MCU: variants seen among roughly 807,000 people sequenced by gnomAD.
MCU encodes the protein calcium uniporter protein, mitochondrial.
MCU carries 12 observed loss-of-function variants against 45.2 expected under a neutral mutation model. The ratio of observed to expected loss-of-function variants is 0.27; its 90% CI spans 0.17 to 0.43. The LOEUF (loss-of-function observed/expected upper bound fraction) is 0.43, where lower values mean the gene tolerates loss of function less well. Ranked by LOEUF, MCU falls within the 20% of genes least tolerant of loss-of-function variation. The pLI is 1.00. For synonymous variants in MCU, 160 were observed against 165.1 expected (o/e 0.97, Z 0.24); for missense variants, 324 against 436.7 (o/e 0.74, Z 2.30).
At chr10:72,878,318 C>A (rs1190867363) in intron 6 of MCU, among the ~76,000 whole-genome samples, 1 of 151,772 alleles carries the variant, frequency 6.6e-6, no homozygotes, top group Non-Finnish European at 1.5e-5. Flanking sequence ...GCTGTGGTTT[C>A]TCCATGTCAC....
chr10:72,711,937 C>A (rs945867008), intron 1 of MCU, among the ~76,000 whole-genome samples: 2 of 151,392 alleles, frequency 1.3e-5, no homozygotes, highest in Non-Finnish European at 2.9e-5. Context: ...TGGTCTCGAT[C>A]TCCTGACCTC....
At chr10:72,766,130 A>G (rs1019431909) in intron 1 of MCU, among the ~76,000 whole-genome samples, 6 of 152,194 alleles carry the variant, frequency 3.9e-5, no homozygotes, top group Non-Finnish European at 8.8e-5. Flanking sequence ...GGCCTTCCAC[A>G]GTGCTGGGAT....
chr10:72,731,543 C>G (rs560528081), intron 1 of MCU, among the ~76,000 whole-genome samples: 7 of 152,152 alleles, frequency 4.6e-5, no homozygotes, highest in African/African-American at 1.7e-4. Flanking sequence ...CTGTAACCAT[C>G]ACCAATATCT....
intron 1 of MCU, among the ~76,000 whole-genome samples, chr10:72,781,906 T>C (rs1172347238): frequency 6.6e-6 from 1 of 152,192 alleles, no homozygotes; most frequent in African/African-American, 2.4e-5. Context: ...ACAAGGACAC[T>C]GTGCTTTGTG....
chr10:72,730,307 CTTTTTTTTTT>C (rs1221272053), intron 1 of MCU, among the ~76,000 whole-genome samples: 1 of 124,230 alleles, frequency 8.0e-6, no homozygotes, highest in African/African-American at 3.1e-5. Context: ...CTTTCTTTTT[CTTTTTTTTTT>C]TTTTTTTTTG....
intron 4 of MCU, chr10:72,861,697 A>G (rs1469965358): frequency 8.3e-6 from 3 of 360,956 alleles, no homozygotes; most frequent in Non-Finnish European, 1.6e-5. Context: ...GGGTTTTGCC[A>G]TGTTGGCCAG....
chr10:72,848,220 AAGT>A (rs1326542183), intron 2 of MCU, among the ~76,000 whole-genome samples: 3 of 152,188 alleles, frequency 2.0e-5, no homozygotes, highest in Non-Finnish European at 2.9e-5. Context: ...ATCTCATCAT[AAGT>A]CAAGAGGCAT....
intron 1 of MCU, chr10:72,692,744 G>A (rs1335035546): frequency 2.3e-6 from 3 of 1,325,360 alleles, no homozygotes; most frequent in Non-Finnish European, 2.9e-6. Flanking sequence ...TGTGTGCCAG[G>A]AGAGTGGCAG....
intron 1 of MCU, among the ~76,000 whole-genome samples, chr10:72,793,135 C>T (rs2132767262): frequency 6.6e-6 from 1 of 152,232 alleles, no homozygotes; most frequent in African/African-American, 2.4e-5. Context: ...CCTTGGCCTC[C>T]CAAAGTGCTG....
intron 2 of MCU, among the ~76,000 whole-genome samples, chr10:72,841,260 C>T (rs1282830553): frequency 6.6e-6 from 1 of 152,092 alleles, no homozygotes; most frequent in East Asian, 1.9e-4. Context: ...ACCGGCATCT[C>T]TGACAGACTG....
At chr10:72,804,059 T>C (rs1564561706) in intron 1 of MCU, among the ~76,000 whole-genome samples, 1 of 73,812 alleles carries the variant, frequency 1.4e-5, no homozygotes, top group African/African-American at 7.1e-5. Flanking sequence ...TATATATATA[T>C]ATATATATAT....
intron 2 of MCU, among the ~76,000 whole-genome samples, chr10:72,838,153 G>A (rs765710548): frequency 3.9e-5 from 6 of 152,096 alleles, no homozygotes; most frequent in East Asian, 3.9e-4. Flanking sequence ...GAGCCACCGC[G>A]CCCGGCTGCC....
intron 1 of MCU, among the ~76,000 whole-genome samples, chr10:72,791,941 AAG>A (rs1212978277): frequency 1.3e-5 from 2 of 152,134 alleles, no homozygotes; most frequent in Non-Finnish European, 2.9e-5. Context: ...AGTAATTTTA[AAG>A]AGGGGGGATT....
chr10:72,868,278 G>T (rs575801412), intron 4 of MCU, among the ~76,000 whole-genome samples: 35 of 152,218 alleles, frequency 2.3e-4, no homozygotes, highest in Non-Finnish European at 4.6e-4. Context: ...GCTGGGCATG[G>T]TGGCTAATGC....
chr10:72,798,078 T>C (rs1409257397), intron 1 of MCU, among the ~76,000 whole-genome samples: 1 of 152,070 alleles, frequency 6.6e-6, no homozygotes, highest in South Asian at 2.1e-4. Flanking sequence ...ATTATTCTGC[T>C]CTATTACAGA....
At chr10:72,796,796 G>A (rs893549847) in intron 1 of MCU, among the ~76,000 whole-genome samples, 1 of 150,884 alleles carries the variant, frequency 6.6e-6, no homozygotes, top group African/African-American at 2.4e-5. Context: ...CTAAAGTGCT[G>A]GGATTACAGG....
intron 1 of MCU, among the ~76,000 whole-genome samples, chr10:72,821,131 T>C (rs1190909126): frequency 6.6e-6 from 1 of 152,198 alleles, no homozygotes; most frequent in African/African-American, 2.4e-5. Context: ...TCATTACTTC[T>C]GTTTAAGAGA....
chr10:72,877,495 A>G (rs1238412878), intron 6 of MCU, among the ~76,000 whole-genome samples: 1 of 152,174 alleles, frequency 6.6e-6, no homozygotes, highest in Non-Finnish European at 1.5e-5. Flanking sequence ...TCAGTCATCC[A>G]ATATCTATTA....
At chr10:72,699,617 G>A (rs1321628522) in intron 1 of MCU, among the ~76,000 whole-genome samples, 1 of 148,750 alleles carries the variant, frequency 6.7e-6, no homozygotes, top group African/African-American at 2.5e-5. Context: ...TTATTGAGAT[G>A]GAGTCACGCT....
Sources: allele counts gnomAD v4.1 joint callset (sites outside exome capture counted in the v4.1 genomes callset), GRCh38; gene constraint gnomAD v4.1.1; transcripts MANE v1.5; gene names NCBI Gene and HGNC (gene_info 2026-07-23, HGNC 2026-07-21).